The following C1orf21 variants were observed in gnomAD, a reference collection of about 807,000 sequenced individuals.
The protein encoded by C1orf21 is uncharacterized protein C1orf21.
C1orf21 carries 3 observed loss-of-function variants against 18.7 expected under a neutral mutation model. That is an observed-to-expected ratio of 0.16 (90% CI 0.07 to 0.42). The LOEUF (loss-of-function observed/expected upper bound fraction) is 0.42. C1orf21 is among the 10% of genes least tolerant of loss of function. The pLI, the probability that C1orf21 is intolerant of heterozygous loss-of-function variation, is 0.99. For synonymous variants in C1orf21, 41 were observed against 46.4 expected (o/e 0.88, Z 0.47); for missense variants, 104 against 143.6 (o/e 0.72, Z 1.41).
At chr1:184,598,326 T>G in intron 4 of C1orf21, 75 bp from the exon 5 acceptor site, 1 of 1,380,142 alleles carries the variant, frequency 7.2e-7, no homozygotes, top group South Asian at 1.3e-5. Context: ...GTTTGGGGAC[T>G]CTGCATTTTT....
intron 5 of C1orf21, among the ~76,000 whole-genome samples, chr1:184,610,008 C>A (rs1333542079): frequency 2.6e-5 from 4 of 152,202 alleles, no homozygotes; most frequent in African/African-American, 9.6e-5. Context: ...ATTATCCCTG[C>A]TGTTTGAGCT....
intron 1 of C1orf21, among the ~76,000 whole-genome samples, chr1:184,460,713 CTT>C (rs11393803): frequency 2.2e-5 from 2 of 90,714 alleles, no homozygotes; most frequent in Non-Finnish European, 4.5e-5. Flanking sequence ...TCTCTTCTTC[CTT>C]TTTTTTTTTT....
At chr1:184,559,439 T>C (rs551393827) in intron 3 of C1orf21, among the ~76,000 whole-genome samples, 3 of 147,664 alleles carry the variant, frequency 2.0e-5, no homozygotes, top group Non-Finnish European at 4.5e-5. Context: ...TTTAAATAAA[T>C]TACCTGGTGT....
rs544849924 is a variant in C1orf21 at position 184,452,190 on chromosome 1, G to T, written c.-124-25196G>T. ...GCTTTTGGTGGAGAGCTTATTTATT[G>T]TTTATAAGATAGAAGGTTTGATTGG... is the stretch of plus-strand genomic sequence containing the variant. On this transcript the variant is annotated intron_variant, in intron 1 of 5. Coordinates refer to ENST00000235307, the MANE Select transcript of C1orf21 (RefSeq NM_030806.4). 2.6e-5 allele frequency among the ~76,000 whole-genome samples: 4 copies of T among 152,294 alleles called. No individual in the cohort carries two copies. The East Asian group carries it at 7.7e-4, about 29-fold the overall frequency.
In C1orf21 at chr1:184,622,765, C is replaced by T. The variant is rs1200912266; in HGVS notation, c.*3209C>T. ...CCTGGGCTGGGATGACTCAACTTAG[C>T]AAAGACGGACCCAGGAGGAGTGCTG... On this transcript the variant is annotated 3_prime_UTR_variant, in exon 6 of 6. Coordinates refer to ENST00000235307, the MANE Select transcript of C1orf21 (RefSeq NM_030806.4). The T allele has an allele frequency of 1.3e-5, 2 of 152,448 alleles. No homozygotes were observed. The highest frequency in any genetic ancestry group is 6.5e-5 in the Admixed American group (1 of 15,276). The allele number at this position is 152,448 out of a possible 1,614,324, so 9.4% of individuals were successfully genotyped here.
chr1:184,405,483 C>T (rs1376781113), intron 1 of C1orf21, among the ~76,000 whole-genome samples: 2 of 152,150 alleles, frequency 1.3e-5, no homozygotes, highest in Non-Finnish European at 2.9e-5. Flanking sequence ...GTGTGAGCCA[C>T]CACACCTGGC....
intron 1 of C1orf21, among the ~76,000 whole-genome samples, chr1:184,402,976 C>G (rs1007831991): frequency 1.3e-5 from 2 of 152,194 alleles, no homozygotes; most frequent in African/African-American, 2.4e-5. Context: ...CCCTGCTTCC[C>G]TTATCTTTCA....
chr1:184,478,561 C>T (rs1278785679), intron 2 of C1orf21, among the ~76,000 whole-genome samples: 1 of 152,168 alleles, frequency 6.6e-6, no homozygotes, highest in Non-Finnish European at 1.5e-5. Flanking sequence ...AGCAATTGCC[C>T]CTGCAGCCAG....
intron 1 of C1orf21, among the ~76,000 whole-genome samples, chr1:184,447,586 A>G (rs1657054062): frequency 6.6e-6 from 1 of 152,162 alleles, no homozygotes; most frequent in Non-Finnish European, 1.5e-5. Context: ...ATGTCTCTGA[A>G]TTGGCCTGGA....
Position 184,483,991 on chromosome 1 carries a change from T to G in C1orf21, c.94+6388T>G, listed in dbSNP as rs569818377. ...CAGGCTGGAGTGCAGTGGCGTGATC[T>G]CAGCTCACTGCAACCTCCGTCTCCT... On this transcript the variant is annotated intron_variant, in intron 2 of 5. Transcript: ENST00000235307. Among the ~76,000 whole-genome samples, 14 of 152,178 alleles carry G rather than the reference T, an allele frequency of 9.2e-5. No homozygotes were observed. The South Asian group carries it at 2.1e-3, about 23-fold the overall frequency.
At chr1:184,612,347 C>T (rs938692266) in intron 5 of C1orf21, among the ~76,000 whole-genome samples, 5 of 152,184 alleles carry the variant, frequency 3.3e-5, no homozygotes, top group African/African-American at 9.7e-5. Flanking sequence ...GAGTCTTGAC[C>T]GGACTTGTTT....
chr1:184,428,333 A>T (rs1411856903), intron 1 of C1orf21, among the ~76,000 whole-genome samples: 1 of 152,212 alleles, frequency 6.6e-6, no homozygotes, highest in Non-Finnish European at 1.5e-5. Flanking sequence ...AAAACATTTA[A>T]AATCAGGGCA....
intron 3 of C1orf21, among the ~76,000 whole-genome samples, chr1:184,527,052 A>C (rs1032108381): frequency 1.3e-5 from 2 of 152,202 alleles, no homozygotes; most frequent in African/African-American, 4.8e-5. Flanking sequence ...AGCCTTCTTA[A>C]TGGAGGGGCC....
At chr1:184,574,186 C>T (rs994512680) in intron 3 of C1orf21, among the ~76,000 whole-genome samples, 9 of 152,042 alleles carry the variant, frequency 5.9e-5, no homozygotes, top group African/African-American at 1.2e-4. Context: ...GCATGGGTAA[C>T]GGAGAAAGAC....
chr1:184,426,893 A>G (rs1458021001), intron 1 of C1orf21, among the ~76,000 whole-genome samples: 2 of 152,192 alleles, frequency 1.3e-5, no homozygotes, highest in South Asian at 2.1e-4. Context: ...CATTTCTTCA[A>G]CCTACGTTTA....
intron 1 of C1orf21, among the ~76,000 whole-genome samples, chr1:184,409,444 G>A (rs1026984474): frequency 6.6e-6 from 1 of 152,182 alleles, no homozygotes; most frequent in Non-Finnish European, 1.5e-5. Flanking sequence ...TGGATTTTTA[G>A]TACAGGTCCT....
At chr1:184,522,158 G>A (rs192016273) in intron 3 of C1orf21, among the ~76,000 whole-genome samples, 2 of 152,030 alleles carry the variant, frequency 1.3e-5, no homozygotes, top group Non-Finnish European at 2.9e-5. Context: ...TTGATGCTTA[G>A]CTTAATATAG....
intron 1 of C1orf21, among the ~76,000 whole-genome samples, chr1:184,470,333 A>T (rs764003925): frequency 6.6e-6 from 1 of 152,044 alleles, no homozygotes; most frequent in Non-Finnish European, 1.5e-5. Flanking sequence ...TTTTCAAAGC[A>T]TTTTCTTATC....
chr1:184,585,466 T>C (rs938770319), intron 3 of C1orf21, among the ~76,000 whole-genome samples: 1 of 152,194 alleles, frequency 6.6e-6, no homozygotes, highest in Non-Finnish European at 1.5e-5. Context: ...TGTGCATACC[T>C]TTATTTAACT....
Sources: gnomAD v4.1 joint callset for allele counts (sites outside exome capture counted in the v4.1 genomes callset) on GRCh38, gnomAD v4.1.1 for gene constraint, MANE v1.5 for transcripts, NCBI Gene and HGNC (gene_info 2026-07-23, HGNC 2026-07-21) for gene names.